Variants in DENND2A observed in about 807,000 individuals in gnomAD.
DENND2A encodes the protein DENN domain-containing protein 2A.
In DENND2A, 53 loss-of-function variants were observed where a neutral mutation model predicts 105.3. The ratio of observed to expected loss-of-function variants is 0.50; its 90% confidence interval spans 0.40 to 0.63. DENND2A has a LOEUF of 0.63. Among genes scored for constraint, DENND2A ranks in the 30% least tolerant of loss-of-function variants. The pLI, the probability that DENND2A is intolerant of heterozygous loss-of-function variation, is 0.00. For synonymous variants in DENND2A, 522 were observed against 508.4 expected, an observed-to-expected ratio of 1.03 and a Z score of -0.36; for missense variants, 1,138 against 1,279.6, an observed-to-expected ratio of 0.89 and a Z score of 1.69.
At chr7:140,600,992 CATAG>C (rs1178685286) in intron 3 of DENND2A, among the ~76,000 whole-genome samples, 2 of 152,122 alleles carry the variant, frequency 1.3e-5, no homozygotes, top group South Asian at 2.1e-4. Context: ...TTTAAGGTCA[CATAG>C]ATAGACACTG....
intron 14 of DENND2A, among the ~76,000 whole-genome samples, chr7:140,536,167 A>G (rs1796448873): frequency 6.6e-6 from 1 of 152,134 alleles, no homozygotes; most frequent in South Asian, 2.1e-4. Flanking sequence ...AGCCTGGCCA[A>G]CATAGTGAAA....
chr7:140,525,374 C>T (rs865854860), intron 16 of DENND2A, among the ~76,000 whole-genome samples: 6 of 151,950 alleles, frequency 3.9e-5, no homozygotes, highest in African/African-American at 1.2e-4. Context: ...AGGCTGGTCT[C>T]GAACTCCTGA....
At chr7:140,636,076 T>A (rs752253350) in intron 1 of DENND2A, among the ~76,000 whole-genome samples, 3 of 151,532 alleles carry the variant, frequency 2.0e-5, no homozygotes, top group Non-Finnish European at 4.4e-5. Flanking sequence ...TTCAAGAGAG[T>A]CTGGGGTACA....
chr7:140,522,402 C>T (rs1418093194), intron 17 of DENND2A, among the ~76,000 whole-genome samples: 4 of 152,134 alleles, frequency 2.6e-5, no homozygotes, highest in African/African-American at 7.2e-5. Flanking sequence ...CAACCTCTGC[C>T]TCCTGGATTA....
At chr7:140,581,833 C>T (rs1229977100) in intron 5 of DENND2A, among the ~76,000 whole-genome samples, 2 of 152,198 alleles carry the variant, frequency 1.3e-5, no homozygotes, top group Non-Finnish European at 2.9e-5. Flanking sequence ...ACCTACTGGG[C>T]TTAGCTGCTT....
intron 1 of DENND2A, among the ~76,000 whole-genome samples, chr7:140,611,382 T>A (rs1022073666): frequency 3.3e-5 from 5 of 151,664 alleles, no homozygotes; most frequent in African/African-American, 9.7e-5. Flanking sequence ...AAATAAAAAA[T>A]AAAAAAATTG....
chr7:140,561,142 G>A (rs1797598426), intron 9 of DENND2A, among the ~76,000 whole-genome samples: 1 of 152,024 alleles, frequency 6.6e-6, no homozygotes, highest in Non-Finnish European at 1.5e-5. Context: ...GAGTAGCTGG[G>A]ACTGCGAGTG....
intron 1 of DENND2A, among the ~76,000 whole-genome samples, chr7:140,608,792 T>G (rs1799784794): frequency 6.6e-6 from 1 of 152,088 alleles, no homozygotes. Flanking sequence ...TAGTCTGGGA[T>G]TGTGAGATAG....
intron 5 of DENND2A, among the ~76,000 whole-genome samples, chr7:140,584,458 G>A (rs984485696): frequency 1.3e-5 from 2 of 152,168 alleles, no homozygotes; most frequent in Admixed American, 1.3e-4. Flanking sequence ...TAGTTGGTAG[G>A]CTCTGGATGG....
Position 140,527,456 on chromosome 7 carries a change from G to A in DENND2A, c.2367C>T (p.Ile789=), listed in dbSNP as rs1207790535. The A allele has an allele frequency of 2.5e-6, 4 of 1,606,204 alleles. 1 individual carries two copies. In the South Asian group the frequency reaches 4.5e-5, roughly 18 times the overall value. Reference sequence around the variant, plus strand: ...AGGTGTGCTGCCAGGCGAAGGGGTAGATCAGCGCCACCATCGCGTGGCAGC... The same window carrying A: ...AGGTGTGCTGCCAGGCGAAGGGGTAAATCAGCGCCACCATCGCGTGGCAGC... ...SKCCHAMVAL[I]YPFAWQHTYI... is the part of the protein sequence containing the mutation. The change falls in exon 15 of 20, where the codon ATC becomes ATT. Residue 789 remains isoleucine (I), a synonymous_variant. Coordinates refer to ENST00000496613, the MANE Select transcript of DENND2A (RefSeq NM_015689.5). The surrounding 1 kb of genome is among the most constrained non-coding windows in gnomAD (Gnocchi z 4.9).
chr7:140,632,589 A>G (rs919664113), intron 1 of DENND2A, among the ~76,000 whole-genome samples: 1 of 152,170 alleles, frequency 6.6e-6, no homozygotes, highest in South Asian at 2.1e-4. Flanking sequence ...TTTTTTTGAG[A>G]AGGAGTTTAG....
At chr7:140,641,019 C>A (rs999231600), upstream of DENND2A, among the ~76,000 whole-genome samples, 2 of 152,154 alleles carry the variant, frequency 1.3e-5, no homozygotes, top group Non-Finnish European at 1.5e-5. Flanking sequence ...TGGGAGGACG[C>A]CCGCCGCGCG....
chr7:140,635,387 A>G (rs1235122043), intron 1 of DENND2A, among the ~76,000 whole-genome samples: 1 of 152,250 alleles, frequency 6.6e-6, no homozygotes, highest in Non-Finnish European at 1.5e-5. Context: ...TAGAAGACAA[A>G]ACAACAAAAG....
intron 18 of DENND2A, among the ~76,000 whole-genome samples, chr7:140,520,938 A>G (rs187980279): frequency 0.017 from 2,154 of 125,004 alleles, 52 homozygotes; most frequent in African/African-American, 0.062. Flanking sequence ...GCAATGGTGC[A>G]ATCTCGGCTC....
In DENND2A at chr7:140,559,664, C is replaced by T. The variant is rs1797534929; in HGVS notation, c.1889+44G>A. The T allele has an allele frequency of 7.0e-7, 1 of 1,425,924 alleles. No homozygotes were observed. The highest frequency in any genetic ancestry group is 1.2e-5 in the South Asian group (1 of 86,000). 88.3% of individuals were successfully genotyped at this position (1,425,924 alleles called of 1,614,324 possible). ...CACCTGTAACCCCGTCTCTAAGTCTCGCCTTAGTCTTTGGGGCTGCGAAGG... is the reference window on the plus strand; with the variant it reads ...CACCTGTAACCCCGTCTCTAAGTCTTGCCTTAGTCTTTGGGGCTGCGAAGG... On this transcript the variant is annotated intron_variant, in intron 10 of 19. Coordinates refer to ENST00000496613, the MANE Select transcript of DENND2A (RefSeq NM_015689.5). This position sits in a 1 kb window ranked among gnomAD's most constrained non-coding sequence, Gnocchi z 4.1.
chr7:140,532,638 T>C (rs978825336), intron 14 of DENND2A, among the ~76,000 whole-genome samples: 3 of 152,266 alleles, frequency 2.0e-5, no homozygotes, highest in Middle Eastern at 3.4e-3. Flanking sequence ...AAAGTAACTC[T>C]GAATGTAGGA....
chr7:140,585,398 G>T (rs1182694526), intron 5 of DENND2A, among the ~76,000 whole-genome samples, 191 bp downstream of exon 5: 1 of 152,164 alleles, frequency 6.6e-6, no homozygotes, highest in Non-Finnish European at 1.5e-5. Context: ...ATTTTAGGAA[G>T]CTTTTTTGAG....
At chr7:140,585,386 G>A (rs1046209209) in intron 5 of DENND2A, among the ~76,000 whole-genome samples, 65 of 152,274 alleles carry the variant, frequency 4.3e-4, no homozygotes, top group African/African-American at 1.4e-3. Context: ...AATCTCAATC[G>A]TATTTTAGGA....
At chr7:140,619,500 CTT>C (rs57839820) in intron 1 of DENND2A, among the ~76,000 whole-genome samples, 2 of 144,894 alleles carry the variant, frequency 1.4e-5, no homozygotes, top group African/African-American at 5.0e-5. Flanking sequence ...AAACTCTGCA[CTT>C]TTTTTTTTTT....
Sources: gnomAD v4.1 joint callset for allele counts (sites outside exome capture counted in the v4.1 genomes callset) on GRCh38, gnomAD v4.1.1 for gene constraint, Gnocchi (gnomAD v3.1) non-coding constraint, MANE v1.5 for transcripts, NCBI Gene and HGNC (gene_info 2026-07-23, HGNC 2026-07-21) for gene names.